Variants in GUK1 observed in about 807,000 individuals in gnomAD.
The protein encoded by GUK1 is guanylate kinase.
Under a neutral mutation model 25.2 loss-of-function variants are expected in GUK1, and 18 were observed. That is an observed-to-expected ratio of 0.71 (90% CI 0.49 to 1.06). GUK1 has a LOEUF of 1.06. GUK1 is among the 50% of genes least tolerant of loss of function. The pLI, the probability that GUK1 is intolerant of heterozygous loss-of-function variation, is 0.00. For synonymous variants in GUK1, 105 were observed against 117.6 expected, an observed-to-expected ratio of 0.89 and a Z score of 0.69; for missense variants, 261 against 276.7, an observed-to-expected ratio of 0.94 and a Z score of 0.40.
At chr1:228,143,372 G>A (rs377581891) in intron 2 of GUK1, among the ~76,000 whole-genome samples, 38 of 152,328 alleles carry the variant, frequency 2.5e-4, no homozygotes, top group Admixed American at 5.2e-4. Context: ...CTCCCATATC[G>A]GGTCCTTCGA....
chr1:228,141,310 C>T, intron 2 of GUK1: 1 of 968,670 alleles, frequency 1.0e-6, no homozygotes, highest in Non-Finnish European at 1.2e-6. Flanking sequence ...TTCCTGTCCC[C>T]CCCGGGGAAA....
intron 7 of GUK1, chr1:228,148,165 C>T (rs2034502927): frequency 3.0e-6 from 2 of 660,932 alleles, no homozygotes; most frequent in Admixed American, 2.2e-5. Flanking sequence ...AGTTCTGGGG[C>T]TCCAGAGAGA....
chr1:228,146,987 C>T, intron 5 of GUK1, 49 bp downstream of exon 4: 1 of 1,211,198 alleles, frequency 8.3e-7, no homozygotes, highest in South Asian at 1.2e-5. Flanking sequence ...CTGTTGGCAA[C>T]AGGGATCCAG....
At position 228,145,763 on chromosome 1, in the gene GUK1, C is replaced by G. The variant is rs548569287; in HGVS notation, c.112+139C>G. On this transcript the variant is annotated intron_variant, in intron 3 of 8. Coordinates refer to ENST00000312726, the MANE Select transcript of GUK1 (RefSeq NM_000858.7). ...GTCCGAACTCTTGCACACTCCCCCC[C>G]ACACAGAACCTGAGGTTATCACACT... 3.4e-4 allele frequency: 344 copies of G among 1,021,958 alleles called. 4 individuals carry two copies. The East Asian group carries it at 8.7e-3, about 26-fold the overall frequency. The allele number at this position is 1,021,958 out of a possible 1,614,324, so 63.3% of individuals were successfully genotyped here.
intron 2 of GUK1, chr1:228,141,405 C>A: frequency 2.7e-6 from 1 of 376,942 alleles, no homozygotes; most frequent in Non-Finnish European, 3.7e-6. Context: ...GCGTGCTACC[C>A]GGATGTGTGC....
chr1:228,147,386 G>GT lies in GUK1; in HGVS notation c.252-20_252-19insT. ...CTCAGAGAGCCCTGGCACCCCTGCT[G>GT]ACCTGGCACCTCTCCCCAGCAAGGT... On this transcript the variant is annotated intron_variant, in intron 5 of 8. Coordinates refer to ENST00000312726, the MANE Select transcript of GUK1 (RefSeq NM_000858.7). 1 of 1,604,880 alleles carries GT rather than the reference G, an allele frequency of 6.2e-7. No individual in the cohort carries two copies. Among genetic ancestry groups the GT allele is most frequent in the African/African-American group, 1.3e-5 (1 of 74,954 alleles).
chr1:228,147,520 G>T lies in GUK1; in HGVS notation c.366G>T (p.Val122=). ...ATCTGCGGCCCATCTACATCTCTGT[G>T]CAGCCGCCTTCACTGCACGTGCTGG... Residue 122 remains valine, a synonymous_variant, in exon 6 of 9, where the codon GTG becomes GTT. Transcript: ENST00000312726. 6.2e-7 allele frequency: 1 copy of T among 1,613,378 alleles called. No homozygotes were observed.
At chr1:228,145,868 G>A in intron 3 of GUK1, 158 bp from the exon 3 acceptor site, 1 of 719,332 alleles carries the variant, frequency 1.4e-6, no homozygotes, top group Non-Finnish European at 2.4e-6. Context: ...TTCTTTCTGG[G>A]AGAACCCTCG....
chr1:228,142,951 G>A (rs1202219568), intron 2 of GUK1, among the ~76,000 whole-genome samples: 1 of 152,082 alleles, frequency 6.6e-6, no homozygotes, highest in Non-Finnish European at 1.5e-5. Flanking sequence ...TGTGCTGGGC[G>A]AGTGTAGGCA....
chr1:228,145,165 G>T (rs565979549), intron 2 of GUK1: 4 of 167,528 alleles, frequency 2.4e-5, no homozygotes, highest in Admixed American at 1.9e-4. Context: ...CCCAGGTAGG[G>T]TGTCATCAGA....
upstream of GUK1, chr1:228,140,271 G>C (rs763580311): frequency 1.3e-6 from 2 of 1,524,826 alleles, no homozygotes; most frequent in Admixed American, 2.0e-5. Context: ...GCGCTGTCAC[G>C]TAGGTTCAGT....
intron 3 of GUK1, 141 bp downstream of exon 2, chr1:228,145,765 C>A: frequency 9.8e-7 from 1 of 1,018,798 alleles, no homozygotes; most frequent in Non-Finnish European, 1.4e-6. Flanking sequence ...CTCCCCCCCA[C>A]ACAGAACCTG....
chr1:228,141,118 T>C lies in GUK1; in HGVS notation c.-167-6T>C. 2.0e-6 allele frequency: 2 copies of C among 985,310 alleles called. No individual in the cohort carries two copies. The highest frequency in any genetic ancestry group is 2.4e-6 in the Non-Finnish European group (2 of 829,780). The allele number at this position is 985,310 out of a possible 1,614,324, so 61.0% of individuals were successfully genotyped here. ...TCTTTGGGCTCATGGCCCCTTCCTG[T>C]CTCAGGCTTGCTCTGCTCTTTACCT... On this transcript the variant is annotated splice_polypyrimidine_tract_variant and splice_region_variant and intron_variant, in intron 1 of 8. Transcript: ENST00000312726.
At chr1:228,142,142 AGCG>A (rs1176554704) in intron 2 of GUK1, among the ~76,000 whole-genome samples, 1 of 8,836 alleles carries the variant, frequency 1.1e-4, no homozygotes, top group East Asian at 0.12. Flanking sequence ...CCCTGTCTCC[AGCG>A]GTGGTGGTGT....
chr1:228,146,416 C>A, intron 4 of GUK1: 1 of 455,546 alleles, frequency 2.2e-6, no homozygotes, highest in Non-Finnish European at 4.0e-6. Context: ...ACTCTGCCTG[C>A]CTGATTCAAG....
intron 8 of GUK1, 83 bp from the exon 8 acceptor site, chr1:228,148,582 G>C (rs774306171): frequency 7.1e-7 from 1 of 1,411,264 alleles, no homozygotes; most frequent in Non-Finnish European, 9.9e-7. Context: ...ATGAGACACC[G>C]AGGTCCACGG....
rs201620098 is a variant in GUK1, at chr1:228,142,661, GAC to G, written c.-3+1378_-3+1379del. 7.8e-3 allele frequency among the ~76,000 whole-genome samples: 1,180 copies of G among 152,200 alleles called. 11 individuals are homozygous for G. The highest frequency in any genetic ancestry group is 0.024 in the African/African-American group (999 of 41,522). ...CGTTGTCAGGGCCCTGTGGTGAAGA[GAC>G]ACACCTGCCACTTGCTGCTTGCGAG... On this transcript the variant is annotated intron_variant, in intron 2 of 8. Coordinates refer to ENST00000312726, the MANE Select transcript of GUK1 (RefSeq NM_000858.7).
At chr1:228,143,646 G>A (rs949620646) in intron 2 of GUK1, among the ~76,000 whole-genome samples, 5 of 152,184 alleles carry the variant, frequency 3.3e-5, no homozygotes, top group East Asian at 3.8e-4. Context: ...TGCAGGGCTC[G>A]CTGGCTGGGA....
chr1:228,147,026 C>A, intron 5 of GUK1, 88 bp downstream of exon 4: 1 of 872,118 alleles, frequency 1.1e-6, no homozygotes, highest in African/African-American at 1.6e-5. Context: ...CCGCCATCCA[C>A]ACCACCCACC....
Sources: gnomAD v4.1 joint callset for allele counts (sites outside exome capture counted in the v4.1 genomes callset) on GRCh38, gnomAD v4.1.1 for gene constraint, MANE v1.5 for transcripts, NCBI Gene and HGNC (gene_info 2026-07-23, HGNC 2026-07-21) for gene names.